STX7: variants seen among roughly 807,000 people sequenced by gnomAD.
STX7 encodes the protein syntaxin-7.
STX7 carries 34 observed loss-of-function variants against 39.6 expected under a neutral mutation model. That is an observed-to-expected ratio of 0.86 (90% CI 0.65 to 1.14). The LOEUF (loss-of-function observed/expected upper bound fraction) is 1.14. STX7 is among the 50% of genes most tolerant of loss of function. The probability of loss-of-function intolerance (pLI) is 0.00; values close to 1 mark genes in which losing one functional copy is unlikely to be tolerated. For synonymous variants in STX7, 119 were observed against 99.1 expected, an observed-to-expected ratio of 1.20 and a Z score of -1.19; for missense variants, 284 against 310.4, an observed-to-expected ratio of 0.92 and a Z score of 0.64.
intron 2 of STX7, among the ~76,000 whole-genome samples, chr6:132,480,805 C>A (rs1236181920): frequency 6.6e-6 from 1 of 152,204 alleles, no homozygotes; most frequent in Non-Finnish European, 1.5e-5. Context: ...AATAGTAATA[C>A]AAACTGCAGC....
At chr6:132,472,411 T>C in intron 3 of STX7, 36 bp from the exon 4 acceptor site, 1 of 1,495,204 alleles carries the variant, frequency 6.7e-7, no homozygotes. Context: ...GCCAAAGGAC[T>C]AATATACTTC....
intron 7 of STX7, 68 bp downstream of exon 7, chr6:132,469,883 C>T: frequency 7.6e-7 from 1 of 1,317,670 alleles, no homozygotes. Context: ...CCCAGCATTA[C>T]CTAAGCATCT....
chr6:132,470,632 T>A lies in STX7; in HGVS notation c.388-6A>T. ...CTGTCCTCAGGAAAACTGCCCTGAA[T>A]AATTTAGTAACAGGATGGAATGAGA... On this transcript the variant is annotated splice_region_variant and splice_polypyrimidine_tract_variant and intron_variant, in intron 5 of 9. Coordinates refer to ENST00000367941, the MANE Select transcript of STX7 (RefSeq NM_003569.3). 8 of 1,606,122 alleles carry A rather than the reference T, an allele frequency of 5.0e-6. No individual in the cohort carries two copies. The highest frequency in any genetic ancestry group is 6.8e-6 in the Non-Finnish European group (8 of 1,174,840).
At chr6:132,491,685 C>T (rs1292043892) in intron 2 of STX7, among the ~76,000 whole-genome samples, 1 of 152,180 alleles carries the variant, frequency 6.6e-6, no homozygotes, top group African/African-American at 2.4e-5. Context: ...GTCCTCCACC[C>T]TCCCTCAGCC....
intron 6 of STX7, 80 bp from the exon 7 acceptor site, chr6:132,470,127 T>TA: frequency 9.7e-7 from 1 of 1,026,524 alleles, no homozygotes. Flanking sequence ...TTAAGATATA[T>TA]TCATTAAATA....
rs552769087 is a variant in STX7, at chr6:132,450,721, TAC to T, written c.*10035_*10036del. The T allele has an allele frequency of 8.6e-4, 131 of 152,112 alleles. 1 individual carries two copies. Among genetic ancestry groups the T allele is most frequent in the African/African-American group, 3.0e-3 (126 of 41,510 alleles). The allele number at this position is 152,112 out of a possible 1,614,324, so 9.4% of individuals were successfully genotyped here. A position where few individuals can be genotyped will look rare whatever the true frequency, so the allele number is the denominator to read the frequency against. On this transcript the variant is annotated 3_prime_UTR_variant, in exon 10 of 10. Coordinates refer to ENST00000367941, the MANE Select transcript of STX7 (RefSeq NM_003569.3). ...AATCTGAAGATAAAATGATAGAAAT[TAC>T]ACAGTCTGAACAACAGAAGAAAACA...
In STX7 at chr6:132,453,697, C is replaced by T. The variant is rs953460614; in HGVS notation, c.*7061G>A. 4 of 151,718 alleles carry T rather than the reference C, an allele frequency of 2.6e-5. No individual in the cohort carries two copies. Among genetic ancestry groups the T allele is most frequent in the African/African-American group, 4.8e-5 (2 of 41,286 alleles). The allele number at this position is 151,718 out of a possible 1,614,324, so 9.4% of individuals were successfully genotyped here. On this transcript the variant is annotated 3_prime_UTR_variant, in exon 10 of 10. Transcript: ENST00000367941. ...AGATGCTCAACATCATTGCCATTAG[C>T]GAAGGGAAAATGGTAAATCAAAACT...
chr6:132,471,149 A>C (rs1774708808), intron 5 of STX7, among the ~76,000 whole-genome samples: 1 of 152,228 alleles, frequency 6.6e-6, no homozygotes, highest in African/African-American at 2.4e-5. Flanking sequence ...ACACAAGCAG[A>C]AAGCCTCAGT....
chr6:132,450,775 AG>A lies in STX7; in HGVS notation c.*9982del, dbSNP rs1231283032. 3.3e-5 allele frequency: 5 copies of A among 152,284 alleles called. No individual in the cohort carries two copies. In the East Asian group the frequency reaches 9.6e-4, roughly 29 times the overall value. The allele number at this position is 152,284 out of a possible 1,614,324, so 9.4% of individuals were successfully genotyped here. On this transcript the variant is annotated 3_prime_UTR_variant, in exon 10 of 10. Coordinates refer to ENST00000367941, the MANE Select transcript of STX7 (RefSeq NM_003569.3). ...GCAGAACAAAGATGAACAGAACCTCAGGGACTTACGGAACTACAATAAATCT... is the reference window on the plus strand; with the variant it reads ...GCAGAACAAAGATGAACAGAACCTCAGGACTTACGGAACTACAATAAATCT...
chr6:132,496,736 G>A (rs925230106), intron 2 of STX7, among the ~76,000 whole-genome samples: 3 of 152,102 alleles, frequency 2.0e-5, no homozygotes, highest in Non-Finnish European at 4.4e-5. Flanking sequence ...TGGAAGGTTC[G>A]AGAGCTTACT....
At position 132,458,941 on chromosome 6, in the gene STX7, G is replaced by C. The variant is rs931173870; in HGVS notation, c.*1817C>G. 2.0e-5 allele frequency: 3 copies of C among 152,144 alleles called. No individual in the cohort carries two copies. The highest frequency in any genetic ancestry group is 4.4e-5 in the Non-Finnish European group (3 of 68,026). 9.4% of individuals were successfully genotyped at this position (152,144 alleles called of 1,614,324 possible). A position where few individuals can be genotyped will look rare whatever the true frequency, so the allele number is the denominator to read the frequency against. ...TGTTATTGGGTACTCACTGTGAATA[G>C]AAGTAAATGTACTTGACCTGTATGA... On this transcript the variant is annotated 3_prime_UTR_variant, in exon 10 of 10. Coordinates refer to ENST00000367941, the MANE Select transcript of STX7 (RefSeq NM_003569.3).
Position 132,446,307 on chromosome 6 carries a change from TTG to T in STX7, c.*14449_*14450del, listed in dbSNP as rs1774011421. ...GTACTTGGTCTGAACACAGAGTCAC[TTG>T]TGTTTCTGAAGCCTCTCTGCATCAA... On this transcript the variant is annotated 3_prime_UTR_variant, in exon 10 of 10. Transcript: ENST00000367941. 1.3e-5 allele frequency: 2 copies of T among 152,168 alleles called. No homozygotes were observed. The highest frequency in any genetic ancestry group is 4.8e-5 in the African/African-American group (2 of 41,432). The allele number at this position is 152,168 out of a possible 1,614,324, so 9.4% of individuals were successfully genotyped here.
chr6:132,491,120 CA>C (rs112995228), intron 2 of STX7, among the ~76,000 whole-genome samples: 4 of 148,412 alleles, frequency 2.7e-5, no homozygotes, highest in Admixed American at 6.7e-5. Context: ...CATTGAAAAA[CA>C]AAAAAAAATG....
At chr6:132,509,502 C>A (rs145016035) in intron 1 of STX7, among the ~76,000 whole-genome samples, 111,528 of 130,042 alleles carry the variant, frequency 0.86, 47,502 homozygotes, top group Middle Eastern at 0.96. Context: ...CATAACATAA[C>A]ATAACATAAC....
At chr6:132,472,014 A>C (rs1157412915) in intron 4 of STX7, among the ~76,000 whole-genome samples, 4 of 152,202 alleles carry the variant, frequency 2.6e-5, no homozygotes, top group African/African-American at 9.6e-5. Context: ...AAGGCCAGGA[A>C]ATAATTACTC....
At chr6:132,501,621 CTACT>C (rs1297888612) in intron 2 of STX7, among the ~76,000 whole-genome samples, 1 of 152,094 alleles carries the variant, frequency 6.6e-6, no homozygotes, top group Non-Finnish European at 1.5e-5. Flanking sequence ...TTCATACTAC[CTACT>C]GCTTGCTACT....
At chr6:132,505,739 T>TA (rs368964430) in intron 1 of STX7, among the ~76,000 whole-genome samples, 11,322 of 60,138 alleles carry the variant, frequency 0.19, 1,301 homozygotes, top group Admixed American at 0.2. Context: ...CCAAGTCACT[T>TA]AAAAAAAAAA....
intron 7 of STX7, among the ~76,000 whole-genome samples, chr6:132,469,636 G>T (rs11969129): frequency 0.013 from 1,987 of 152,192 alleles, 40 homozygotes; most frequent in African/African-American, 0.045. Flanking sequence ...CCAGGAGTTT[G>T]AGAACAGCCT....
intron 9 of STX7, among the ~76,000 whole-genome samples, chr6:132,463,006 G>A (rs920295018): frequency 6.6e-6 from 1 of 152,110 alleles, no homozygotes; most frequent in Non-Finnish European, 1.5e-5. Flanking sequence ...TGGATCGCTT[G>A]AGCCCAGGAG....
Sources: gnomAD v4.1 joint callset for allele counts (sites outside exome capture counted in the v4.1 genomes callset) on GRCh38, gnomAD v4.1.1 for gene constraint, MANE v1.5 for transcripts, NCBI Gene and HGNC (gene_info 2026-07-23, HGNC 2026-07-21) for gene names.